Variants in TAB2 observed in about 807,000 individuals in gnomAD.
TAB2 encodes the protein TGF-beta-activated kinase 1 and MAP3K7-binding protein 2.
In TAB2, 3 loss-of-function variants were observed where a neutral mutation model predicts 65.0. That is an observed-to-expected ratio of 0.05 (90% CI 0.02 to 0.12). The LOEUF (loss-of-function observed/expected upper bound fraction) is 0.12, where lower values mean the gene tolerates loss of function less well. Ranked by LOEUF, TAB2 falls within the 10% of genes least tolerant of loss-of-function variation. TAB2 has a pLI of 1.00. For synonymous variants in TAB2, 298 were observed against 285.1 expected, an observed-to-expected ratio of 1.05 and a Z score of -0.46; for missense variants, 623 against 840.3, an observed-to-expected ratio of 0.74 and a Z score of 3.20.
At chr6:149,345,001 A>G (rs540941857) in intron 1 of TAB2, among the ~76,000 whole-genome samples, 49 of 152,294 alleles carry the variant, frequency 3.2e-4, no homozygotes, top group African/African-American at 1.2e-3. Context: ...AACTTTCCAT[A>G]AAGGTATTGT....
chr6:149,286,863 C>T (rs886315847), intron 1 of TAB2, among the ~76,000 whole-genome samples: 22 of 152,104 alleles, frequency 1.4e-4, no homozygotes, highest in Admixed American at 1.4e-3. Context: ...CACCTGTAAT[C>T]CCAGCACTTT....
Position 149,262,393 on chromosome 6 carries a change from C to T in TAB2, c.-121+43617C>T, listed in dbSNP as rs190714854. ...ACTAAAAATACAAAAAGTAGCTGGG[C>T]GTGGTGGTGGGTGCCTGTAATCCCA... On this transcript the variant is annotated intron_variant, in intron 1 of 1. Coordinates refer to the TAB2 transcript ENST00000606202. Among the ~76,000 whole-genome samples the T allele has an allele frequency of 4.2e-3, 640 of 152,130 alleles. 4 individuals are homozygous for T. The highest frequency in any genetic ancestry group is 7.0e-3 in the Non-Finnish European group (479 of 67,992).
intron 1 of TAB2, among the ~76,000 whole-genome samples, chr6:149,223,054 T>TA (rs374308615): frequency 2.6e-5 from 4 of 152,194 alleles, no homozygotes; most frequent in African/African-American, 7.2e-5. Flanking sequence ...TCAAGTCTAA[T>TA]AAAAAAATTC....
intron 1 of TAB2, among the ~76,000 whole-genome samples, chr6:149,306,066 G>A (rs975159267): frequency 5.3e-5 from 8 of 152,166 alleles, no homozygotes; most frequent in Non-Finnish European, 1.0e-4. Context: ...AAGTGGGTGG[G>A]CTGTTATACA....
chr6:149,377,945 GTA>G, intron 2 of TAB2, 71 bp from the exon 3 acceptor site: 1 of 1,114,600 alleles, frequency 9.0e-7, no homozygotes, highest in Non-Finnish European at 1.3e-6. Context: ...TGGTAATCAT[GTA>G]TTTGTAGAGA....
chr6:149,265,647 G>T (rs1014973464), intron 1 of TAB2, among the ~76,000 whole-genome samples: 3 of 152,138 alleles, frequency 2.0e-5, no homozygotes, highest in African/African-American at 7.2e-5. Context: ...AGAATAAAGG[G>T]ACTATAACAG....
At chr6:149,388,954 C>CTTTT (rs61577861) in intron 3 of TAB2, among the ~76,000 whole-genome samples, 2 of 113,744 alleles carry the variant, frequency 1.8e-5, no homozygotes, top group African/African-American at 3.4e-5. Context: ...TAACAGAAAT[C>CTTTT]TTTTTTTTTT....
chr6:149,397,043 G>A (rs1242034250), intron 3 of TAB2, among the ~76,000 whole-genome samples: 2 of 152,194 alleles, frequency 1.3e-5, no homozygotes, highest in African/African-American at 2.4e-5. Flanking sequence ...AGAAGCTGTA[G>A]CCTAAAAATG....
At chr6:149,337,141 C>T (rs1779958434) in intron 1 of TAB2, among the ~76,000 whole-genome samples, 1 of 151,956 alleles carries the variant, frequency 6.6e-6, no homozygotes, top group Non-Finnish European at 1.5e-5. Context: ...TTATTAGACT[C>T]CCACTAGATT....
chr6:149,289,014 T>C (rs1031369595), intron 1 of TAB2, among the ~76,000 whole-genome samples: 4 of 151,978 alleles, frequency 2.6e-5, no homozygotes, highest in African/African-American at 9.6e-5. Context: ...TACGCTACCA[T>C]GCCCAGCTAA....
At chr6:149,403,247 A>AATAT (rs71010865) in intron 6 of TAB2, among the ~76,000 whole-genome samples, 844 of 43,854 alleles carry the variant, frequency 0.019, 11 homozygotes, top group Non-Finnish European at 0.025. Flanking sequence ...AAAAAAAAAA[A>AATAT]ATATATATAT....
chr6:149,231,393 T>C (rs374137402), intron 1 of TAB2, among the ~76,000 whole-genome samples: 10 of 152,388 alleles, frequency 6.6e-5, no homozygotes, highest in Admixed American at 3.3e-4. Flanking sequence ...TATATACTTA[T>C]GCAATCAGAT....
At chr6:149,292,932 T>C (rs183915629) in intron 1 of TAB2, among the ~76,000 whole-genome samples, 56 of 152,378 alleles carry the variant, frequency 3.7e-4, no homozygotes, top group African/African-American at 1.2e-3. Flanking sequence ...ATATGAGGAC[T>C]GAATTAAAAT....
At chr6:149,286,074 T>G (rs1160436317) in intron 1 of TAB2, among the ~76,000 whole-genome samples, 1 of 152,160 alleles carries the variant, frequency 6.6e-6, no homozygotes, top group Non-Finnish European at 1.5e-5. Context: ...AATTTATTCT[T>G]TTTTAAAAAT....
chr6:149,255,499 A>C (rs559615513), intron 1 of TAB2: 1 of 152,260 alleles, frequency 6.6e-6, no homozygotes, highest in East Asian at 1.9e-4. Context: ...CATAAGAGTT[A>C]TCTCTGAATT....
At chr6:149,401,038 T>A (rs1239868957) in intron 6 of TAB2, 2 of 205,094 alleles carry the variant, frequency 9.8e-6, no homozygotes, top group South Asian at 1.5e-4. Flanking sequence ...GCTCTCACTG[T>A]TTTAACAACA....
intron 6 of TAB2, among the ~76,000 whole-genome samples, chr6:149,401,474 T>C (rs553411511): frequency 1.3e-5 from 2 of 152,200 alleles, no homozygotes; most frequent in East Asian, 3.8e-4. Context: ...GATTATTATG[T>C]AATGGTAAAA....
intron 1 of TAB2, among the ~76,000 whole-genome samples, chr6:149,354,307 C>CAA (rs1396263131): frequency 6.6e-6 from 1 of 152,096 alleles, no homozygotes; most frequent in Non-Finnish European, 1.5e-5. Flanking sequence ...GTGCAAATCT[C>CAA]AAAACTTTTG....
chr6:149,232,793 G>T (rs954673501), intron 1 of TAB2, among the ~76,000 whole-genome samples: 1 of 152,104 alleles, frequency 6.6e-6, no homozygotes, highest in Admixed American at 6.5e-5. Flanking sequence ...GGAAACTGAG[G>T]CTTGGAGAAG....
Sources: gnomAD v4.1 joint callset for allele counts (sites outside exome capture counted in the v4.1 genomes callset) on GRCh38, gnomAD v4.1.1 for gene constraint, MANE v1.5 for transcripts, NCBI Gene and HGNC (gene_info 2026-07-23, HGNC 2026-07-21) for gene names.